Variants in HELB observed in about 807,000 individuals in gnomAD.
The protein encoded by HELB is DNA helicase B, also known as DNA 5'-3' helicase B.
HELB carries 96 observed loss-of-function variants against 101.7 expected under a neutral mutation model. The observed-to-expected ratio is 0.94, with a 90% confidence interval of 0.80 to 1.12. The LOEUF (loss-of-function observed/expected upper bound fraction) is 1.12. Among genes scored for constraint, HELB ranks in the 50% most tolerant of loss-of-function variants. HELB has a pLI of 0.00. For missense variants in HELB, 1,210 were observed against 1,291.9 expected, an observed-to-expected ratio of 0.94 and a Z score of 0.97; for synonymous variants, 437 against 459.7, an observed-to-expected ratio of 0.95 and a Z score of 0.63.
chr12:66,335,681 C>T (rs184570433), intron 12 of HELB, among the ~76,000 whole-genome samples: 3 of 152,078 alleles, frequency 2.0e-5, no homozygotes, highest in African/African-American at 7.2e-5. Flanking sequence ...AGGATAATTG[C>T]AGAATTGGAG....
At chr12:66,305,891 T>C (rs2053469565) in intron 2 of HELB, among the ~76,000 whole-genome samples, 1 of 152,220 alleles carries the variant, frequency 6.6e-6, no homozygotes, top group Non-Finnish European at 1.5e-5. Context: ...TGGATATTCA[T>C]ATATATGGAA....
chr12:66,313,354 G>T (rs2053564936), intron 4 of HELB, among the ~76,000 whole-genome samples: 1 of 151,936 alleles, frequency 6.6e-6, no homozygotes, highest in Non-Finnish European at 1.5e-5. Flanking sequence ...TGCAGATTAG[G>T]GATACTCAAC....
chr12:66,339,825 C>T (rs2053903812), downstream of HELB: 1 of 152,188 alleles, frequency 6.6e-6, no homozygotes, highest in Admixed American at 6.5e-5. Context: ...CCTAGGTAAC[C>T]TGATTTACCT....
chr12:66,325,217 G>A, intron 11 of HELB, 91 bp downstream of exon 11: 1 of 832,938 alleles, frequency 1.2e-6, no homozygotes, highest in Non-Finnish European at 1.9e-6. Context: ...GCACTTATTA[G>A]CAAACAAAAA....
chr12:66,305,839 G>C (rs1271845741), intron 2 of HELB, among the ~76,000 whole-genome samples: 3 of 152,004 alleles, frequency 2.0e-5, no homozygotes, highest in African/African-American at 7.2e-5. Flanking sequence ...AAATACTTCA[G>C]TCCAAAATGG....
At chr12:66,337,575 T>G (rs1422091729) in intron 12 of HELB, among the ~76,000 whole-genome samples, 2 of 151,094 alleles carry the variant, frequency 1.3e-5, no homozygotes, top group Non-Finnish European at 2.9e-5. Flanking sequence ...ACTGACTTCA[T>G]GGGCAGGCAA....
rs529552577 is a variant in HELB, at chr12:66,304,710, T to G, written c.188-21T>G. ...AATCTCCAGAGTTAACTTTTGTGGG[T>G]TTTTGTTTGTTTTTTTTTAGTTTCT... On this transcript the variant is annotated intron_variant, in intron 1 of 12. Coordinates refer to ENST00000247815, the MANE Select transcript of HELB (RefSeq NM_001370285.1). 2.0e-5 allele frequency: 32 copies of G among 1,565,018 alleles called. No homozygotes were observed. In the African/African-American group the frequency reaches 3.3e-4, roughly 16 times the overall value.
intron 11 of HELB, among the ~76,000 whole-genome samples, chr12:66,330,696 T>C (rs2053795498): frequency 6.7e-6 from 1 of 148,400 alleles, no homozygotes. Flanking sequence ...CTATTGCTAC[T>C]TAAAATTTCT....
Position 66,331,566 on chromosome 12 carries a change from A to C in HELB, c.3083A>C (p.Asp1028Ala), listed in dbSNP as rs771666393. ...QLSSPDGVDT[D>A]DDLPKSRASK... ...TCTTCACCTGATGGAGTAGATACAG[A>C]TGATGATTTACCAAAATCGCGAGCA... The change falls in exon 12 of 13, where the codon GAT (aspartate) becomes GCT (alanine). Residue 1028 changes from aspartate (D) to alanine (A), a missense_variant. Asp to Ala is a moderately radical substitution (Grantham distance 126). This residue lies in a region of HELB where 740 missense variants were observed against 728.8 expected (regional missense o/e 1.02). Transcript: ENST00000247815. 26 of 1,613,284 alleles carry C rather than the reference A, an allele frequency of 1.6e-5. No individual in the cohort carries two copies. Among genetic ancestry groups the C allele is most frequent in the African/African-American group, 5.3e-5 (4 of 74,932 alleles).
intron 7 of HELB, 115 bp downstream of exon 7, chr12:66,318,907 CA>C: frequency 4.0e-6 from 3 of 746,636 alleles, no homozygotes; most frequent in Non-Finnish European, 6.3e-6. Flanking sequence ...ATATTGCTAG[CA>C]AAAAAAGAGA....
intron 4 of HELB, 110 bp from the exon 5 acceptor site, chr12:66,313,876 C>A: frequency 1.1e-6 from 1 of 870,242 alleles, no homozygotes; most frequent in Non-Finnish European, 1.9e-6. Flanking sequence ...TTCTTTACTT[C>A]CCACCCACCC....
chr12:66,327,322 G>A (rs913604891), intron 11 of HELB, among the ~76,000 whole-genome samples: 1 of 151,636 alleles, frequency 6.6e-6, no homozygotes, highest in African/African-American at 2.4e-5. Flanking sequence ...TCACCTTTAC[G>A]AAATTTTCTT....
rs1258256224 is a variant in HELB at position 66,310,609 on chromosome 12, G to A, written c.1680+1G>A. The A allele has an allele frequency of 6.2e-7, 1 of 1,602,762 alleles. No homozygotes were observed. Among genetic ancestry groups the A allele is most frequent in the Non-Finnish European group, 8.5e-7 (1 of 1,176,014 alleles). On this transcript the variant is annotated splice_donor_variant, in intron 4 of 12. Transcript: ENST00000247815. LOFTEE classifies it high-confidence loss of function. The stretch of plus-strand genomic sequence containing the variant: ...TCTTCATGCCTACACACTGTGTCAG[G>A]TAAAACCTTTGACATTTCATCTGTA...
At chr12:66,307,739 CT>C in intron 3 of HELB, among the ~76,000 whole-genome samples, 1 of 151,672 alleles carries the variant, frequency 6.6e-6, no homozygotes, top group African/African-American at 2.4e-5. Context: ...TTCTCTCTAC[CT>C]CCCCTTTTCT....
chr12:66,312,613 A>G (rs2053557214), intron 4 of HELB, among the ~76,000 whole-genome samples: 2 of 152,152 alleles, frequency 1.3e-5, no homozygotes, highest in South Asian at 4.1e-4. Context: ...ACCAAGTTTT[A>G]TCTGATGTGT....
chr12:66,338,649 A>AAAC (rs1565646752), downstream of HELB: 1 of 150,080 alleles, frequency 6.7e-6, no homozygotes, highest in Non-Finnish European at 1.5e-5. Flanking sequence ...CTCCAAAAAA[A>AAAC]AAACAAACAA....
At chr12:66,314,429 GT>G (rs1351510881) in intron 5 of HELB, among the ~76,000 whole-genome samples, 1 of 152,098 alleles carries the variant, frequency 6.6e-6, no homozygotes, top group Non-Finnish European at 1.5e-5. Flanking sequence ...TATTAAAATA[GT>G]AAAAGTGCCA....
Position 66,325,090 on chromosome 12 carries a change from A to G in HELB, c.2634A>G (p.Ile878Met). ...DFKKLMKYCR[I>M]KHAWARTIHT... is the part of the protein sequence containing the mutation. ...AGAAACTAATGAAATATTGTCGCAT[A>G]AAACATGCATGGGCAAGAACTATTC... Residue 878 changes from isoleucine (I) to methionine (M), a missense_variant, in exon 11 of 13, where the codon ATA becomes ATG. Around this residue, in one of 2 missense-constraint regions of HELB, gnomAD observed 740 missense variants for 728.8 expected, o/e 1.02. Coordinates refer to ENST00000247815, the MANE Select transcript of HELB (RefSeq NM_001370285.1). The G allele has an allele frequency of 6.2e-7, 1 of 1,613,420 alleles. No homozygotes were observed. The highest frequency in any genetic ancestry group is 8.5e-7 in the Non-Finnish European group (1 of 1,179,400).
In HELB at chr12:66,304,819, A is replaced by G. The variant is rs746610302; in HGVS notation, c.276A>G (p.Gln92=). The change falls in exon 2 of 13, where the codon CAA becomes CAG. Residue 92 remains glutamine (Q), a synonymous_variant. Coordinates refer to ENST00000247815, the MANE Select transcript of HELB (RefSeq NM_001370285.1). ...GTGCTTGGTGGAGAGTGAAGGTACA[A>G]GTAAAGCCTGTGGTGGGATCAAGGA... ...ITGAWWRVKV[Q]VKPVVGSRSY... is the part of the protein sequence containing the mutation. 11 of 1,613,994 alleles carry G rather than the reference A, an allele frequency of 6.8e-6. No homozygotes were observed. In the South Asian group the frequency reaches 1.1e-4, roughly 16 times the overall value.
Sources: gnomAD v4.1 joint callset for allele counts (sites outside exome capture counted in the v4.1 genomes callset) on GRCh38, gnomAD v4.1.1 for gene constraint, gnomAD v4.1.1 regional missense constraint, MANE v1.5 for transcripts, NCBI Gene and HGNC (gene_info 2026-07-23, HGNC 2026-07-21) for gene names.